Variants in F8 observed in about 807,000 individuals in gnomAD.
F8 encodes the protein antihemophilic factor.
In F8, 12 loss-of-function variants were observed where a neutral mutation model predicts 140.6. The ratio of observed to expected loss-of-function variants is 0.09; its 90% CI spans 0.05 to 0.14. The LOEUF (loss-of-function observed/expected upper bound fraction) is 0.14, where lower values mean the gene tolerates loss of function less well. Ranked by LOEUF, F8 falls within the 10% of genes least tolerant of loss-of-function variation. The probability of loss-of-function intolerance (pLI) is 1.00; values close to 1 mark genes in which losing one functional copy is unlikely to be tolerated. For synonymous variants in F8, 585 were observed against 614.6 expected, an observed-to-expected ratio of 0.95 and a Z score of 0.71; for missense variants, 1,354 against 1,720.7, an observed-to-expected ratio of 0.79 and a Z score of 3.77.
At chrX:154,943,753 C>A (rs2073284540) in intron 13 of F8, among the ~76,000 whole-genome samples, 1 of 111,536 alleles carries the variant, frequency 9.0e-6, no homozygotes, top group African/African-American at 3.3e-5. Context: ...GCATCACGCT[C>A]CCTGACTTCA....
intron 13 of F8, among the ~76,000 whole-genome samples, chrX:154,936,023 C>CAA (rs1557279210): frequency 1.2e-4 from 11 of 93,712 alleles, no homozygotes; most frequent in Admixed American, 4.7e-4. Context: ...CACACACACA[C>CAA]AAAAATCAAA....
intron 22 of F8, among the ~76,000 whole-genome samples, chrX:154,878,998 A>C: frequency 8.9e-6 from 1 of 112,528 alleles, no homozygotes; most frequent in African/African-American, 3.2e-5. Flanking sequence ...GACAGCATAA[A>C]GAAGTGAAAA....
chrX:155,013,770 T>C (rs1391962917), intron 1 of F8, among the ~76,000 whole-genome samples: 2 of 111,690 alleles, frequency 1.8e-5, no homozygotes, highest in Non-Finnish European at 3.8e-5. Context: ...GGAAATCCAA[T>C]ATCAGGGTGC....
intron 14 of F8, among the ~76,000 whole-genome samples, chrX:154,916,559 C>T (rs2073098842): frequency 9.0e-6 from 1 of 111,169 alleles, no homozygotes; most frequent in African/African-American, 3.3e-5. Flanking sequence ...TTATCCATTT[C>T]TTCTAGTTTT....
chrX:154,897,095 C>T (rs2072986049), intron 21 of F8, among the ~76,000 whole-genome samples: 1 of 112,443 alleles, frequency 8.9e-6, no homozygotes, highest in Admixed American at 9.4e-5. Context: ...AATATGGTAT[C>T]TGGTATAATA....
At chrX:154,974,607 A>T (rs1384643591) in intron 6 of F8, among the ~76,000 whole-genome samples, 1 of 111,660 alleles carries the variant, frequency 9.0e-6, no homozygotes, top group African/African-American at 3.3e-5. Context: ...TATCCTCCTA[A>T]AATAATTTTG....
intron 25 of F8, among the ~76,000 whole-genome samples, chrX:154,847,189 C>T (rs1474729715): frequency 5.4e-5 from 6 of 112,077 alleles, no homozygotes; most frequent in Admixed American, 1.9e-4. Flanking sequence ...GCGGGTAACC[C>T]GAACTTTCTG....
At chrX:154,987,726 T>C (rs1416364241) in intron 4 of F8, among the ~76,000 whole-genome samples, 2 of 112,327 alleles carry the variant, frequency 1.8e-5, no homozygotes, top group African/African-American at 6.5e-5. Context: ...TCTATACTCA[T>C]GATTTTTTTT....
At chrX:154,975,427 G>A (rs1016189655) in intron 6 of F8, among the ~76,000 whole-genome samples, 1 of 111,896 alleles carries the variant, frequency 8.9e-6, no homozygotes. Flanking sequence ...ATTATTGGCA[G>A]GAAAAAAATA....
chrX:154,862,768 T>G (rs781905284), intron 23 of F8, among the ~76,000 whole-genome samples: 1 of 112,561 alleles, frequency 8.9e-6, no homozygotes, highest in African/African-American at 3.2e-5. Context: ...TACCACATTT[T>G]CTTTATCCAA....
At chrX:154,907,685 G>A (rs2073045301) in intron 14 of F8, among the ~76,000 whole-genome samples, 1 of 111,667 alleles carries the variant, frequency 9.0e-6, no homozygotes, top group East Asian at 2.8e-4. Context: ...CTCTTTTGTG[G>A]AGCACCTATC....
chrX:154,941,212 C>T, intron 13 of F8, among the ~76,000 whole-genome samples: 1 of 111,694 alleles, frequency 9.0e-6, no homozygotes, highest in South Asian at 3.7e-4. Flanking sequence ...TTAAAAGACA[C>T]AGACTGGCAA....
intron 1 of F8, among the ~76,000 whole-genome samples, chrX:155,016,470 C>A (rs955304201): frequency 9.8e-5 from 11 of 112,270 alleles, no homozygotes; most frequent in Admixed American, 8.5e-4. Flanking sequence ...TCACACAAAA[C>A]ATGTGGAGCA....
chrX:154,956,538 G>A (rs1268051865), intron 11 of F8, among the ~76,000 whole-genome samples: 1 of 112,155 alleles, frequency 8.9e-6, no homozygotes, highest in Non-Finnish European at 1.9e-5. Flanking sequence ...CGTGGCTTCA[G>A]CCAGTCCCTC....
At chrX:154,955,720 G>A (rs1395784070) in intron 11 of F8, among the ~76,000 whole-genome samples, 1 of 111,167 alleles carries the variant, frequency 9.0e-6, no homozygotes, top group Non-Finnish European at 1.9e-5. Flanking sequence ...CGAATAGGGT[G>A]TGGGTCACAA....
chrX:155,012,504 T>C (rs2073710931), intron 1 of F8, among the ~76,000 whole-genome samples: 1 of 111,050 alleles, frequency 9.0e-6, no homozygotes, highest in South Asian at 3.9e-4. Flanking sequence ...AGAAGTCAAG[T>C]CTTGTTATGT....
At chrX:154,848,779 GCTGCACCCACTGTC>G (rs1214798549) in intron 25 of F8, among the ~76,000 whole-genome samples, 5 of 110,385 alleles carry the variant, frequency 4.5e-5, no homozygotes, top group Admixed American at 3.8e-4. Context: ...TGCTCGGTGG[GCTGCACCCACTGTC>G]CTGCACCCAC....
At chrX:154,938,005 T>C (rs190532274) in intron 13 of F8, among the ~76,000 whole-genome samples, 3 of 112,056 alleles carry the variant, frequency 2.7e-5, no homozygotes, top group South Asian at 3.7e-4. Context: ...TATAAGATAG[T>C]ATGTTACTGG....
At chrX:154,942,737 T>A (rs1186149668) in intron 13 of F8, among the ~76,000 whole-genome samples, 1 of 108,436 alleles carries the variant, frequency 9.2e-6, no homozygotes, top group Non-Finnish European at 1.9e-5. Flanking sequence ...TAGACCAATA[T>A]CCTTGATGAA....
Sources: allele counts gnomAD v4.1 joint callset (sites outside exome capture counted in the v4.1 genomes callset), GRCh38; gene constraint gnomAD v4.1.1; transcripts MANE v1.5; gene names NCBI Gene and HGNC (gene_info 2026-07-23, HGNC 2026-07-21).